Variants in RPS6KC1 observed in about 807,000 individuals in gnomAD.
The protein encoded by RPS6KC1 is ribosomal protein S6 kinase C1.
A neutral mutation model predicts 103.8 loss-of-function variants in RPS6KC1; 54 were observed. The observed-to-expected ratio is 0.52, with a 90% CI of 0.42 to 0.65. The LOEUF is 0.65. Among genes scored for constraint, RPS6KC1 ranks in the 30% least tolerant of loss-of-function variants. The pLI, the probability that RPS6KC1 is intolerant of heterozygous loss-of-function variation, is 0.00. For missense variants in RPS6KC1, 1,151 were observed against 1,253.8 expected (o/e 0.92, Z 1.24); for synonymous variants, 439 against 438.7 (o/e 1.00, Z -0.01).
chr1:213,662,039 T>C, the RPS6KC1 span, among the ~76,000 whole-genome samples: 5 of 152,278 alleles, frequency 3.3e-5, no homozygotes, highest in South Asian at 1.0e-3. Context: ...CCAAATCTCT[T>C]ACTGGTATAA....
chr1:213,850,484 G>A, the RPS6KC1 span, among the ~76,000 whole-genome samples: 3 of 152,182 alleles, frequency 2.0e-5, no homozygotes, highest in South Asian at 2.1e-4. Context: ...TGCTACACAG[G>A]ACACTAAAAC....
chr1:213,567,877 G>A, the RPS6KC1 span, among the ~76,000 whole-genome samples: 2 of 152,350 alleles, frequency 1.3e-5, no homozygotes, highest in East Asian at 3.9e-4. Context: ...GCCTGGGAAA[G>A]TTACTCTGCC....
chr1:213,780,084 T>A, the RPS6KC1 span, among the ~76,000 whole-genome samples: 2 of 152,246 alleles, frequency 1.3e-5, no homozygotes, highest in East Asian at 3.9e-4. Context: ...TACTAACTAA[T>A]GTTAATTATC....
chr1:213,784,737 GCTGAGCAT>G, the RPS6KC1 span, among the ~76,000 whole-genome samples: 2 of 152,138 alleles, frequency 1.3e-5, no homozygotes, highest in African/African-American at 2.4e-5. Flanking sequence ...TATGGACTGG[GCTGAGCAT>G]CTGCTTTCAA....
chr1:213,422,041 A>G, the RPS6KC1 span, among the ~76,000 whole-genome samples: 1 of 152,240 alleles, frequency 6.6e-6, no homozygotes, highest in East Asian at 1.9e-4. Flanking sequence ...AATATACATA[A>G]AAGTTACCAT....
the RPS6KC1 span, among the ~76,000 whole-genome samples, chr1:213,521,401 T>C: frequency 6.6e-6 from 1 of 152,258 alleles, no homozygotes; most frequent in Non-Finnish European, 1.5e-5. Flanking sequence ...ATCTCTCTAC[T>C]TGTAGAGGGT....
At chr1:213,103,332 T>C (rs2082176562) in intron 3 of RPS6KC1, among the ~76,000 whole-genome samples, 1 of 152,354 alleles carries the variant, frequency 6.6e-6, no homozygotes, top group Non-Finnish European at 1.5e-5. Context: ...GTCAGTATGA[T>C]AGAACTTGAA....
At chr1:213,099,813 C>T (rs2081851856) in intron 3 of RPS6KC1, among the ~76,000 whole-genome samples, 1 of 152,156 alleles carries the variant, frequency 6.6e-6, no homozygotes, top group Non-Finnish European at 1.5e-5. Context: ...CTGTTGTGTT[C>T]ATCAGAGGTT....
At chr1:213,159,022 C>T (rs1001772906) in intron 6 of RPS6KC1, among the ~76,000 whole-genome samples, 4 of 152,006 alleles carry the variant, frequency 2.6e-5, no homozygotes, top group Non-Finnish European at 4.4e-5. Context: ...TCAAGAAGGA[C>T]AAAGTTCATA....
chr1:213,131,322 A>G (rs541972876), intron 6 of RPS6KC1, among the ~76,000 whole-genome samples: 1 of 152,284 alleles, frequency 6.6e-6, no homozygotes, highest in South Asian at 2.1e-4. Flanking sequence ...TCTTGATATG[A>G]TTAATATTAG....
the RPS6KC1 span, among the ~76,000 whole-genome samples, chr1:213,746,558 T>C: frequency 6.6e-6 from 1 of 152,182 alleles, no homozygotes; most frequent in Non-Finnish European, 1.5e-5. Flanking sequence ...CTGCAGGCAA[T>C]AGGGAGCCAC....
the RPS6KC1 span, among the ~76,000 whole-genome samples, chr1:213,364,685 G>A: frequency 7.9e-5 from 12 of 152,248 alleles, no homozygotes; most frequent in East Asian, 1.9e-4. Context: ...TAGGTGCAGT[G>A]GCTCACACCT....
chr1:213,732,008 T>C, the RPS6KC1 span, among the ~76,000 whole-genome samples: 4 of 152,156 alleles, frequency 2.6e-5, no homozygotes, highest in Non-Finnish European at 4.4e-5. Flanking sequence ...TTTGTAACAA[T>C]AAATAGCAAG....
At chr1:213,790,938 T>C in the RPS6KC1 span, among the ~76,000 whole-genome samples, 1 of 98,632 alleles carries the variant, frequency 1.0e-5, no homozygotes, top group South Asian at 3.4e-4. Context: ...TCCGGGTGTG[T>C]CTCCAACCCC....
Position 213,084,613 on chromosome 1 carries a change from A to G in RPS6KC1, c.262+6797A>G, listed in dbSNP as rs116556154. On this transcript the variant is annotated intron_variant, in intron 3 of 14. Transcript: ENST00000366960. Reference sequence around the variant, plus strand: ...TGATATAATCTACCATCTGTATTCCACTTTTGTTAGTTGACCTTTTAATAT... The same window carrying G: ...TGATATAATCTACCATCTGTATTCCGCTTTTGTTAGTTGACCTTTTAATAT... 7.0e-3 allele frequency among the ~76,000 whole-genome samples: 1,061 copies of G among 152,296 alleles called. 12 individuals carry two copies. The highest frequency in any genetic ancestry group is 0.024 in the African/African-American group (1,005 of 41,546).
chr1:213,179,165 A>G (rs1440926396), intron 8 of RPS6KC1, among the ~76,000 whole-genome samples: 1 of 152,162 alleles, frequency 6.6e-6, no homozygotes, highest in East Asian at 1.9e-4. Flanking sequence ...CTGTAATCCC[A>G]GCACTTTGGG....
At chr1:213,622,447 C>T in the RPS6KC1 span, among the ~76,000 whole-genome samples, 4 of 152,162 alleles carry the variant, frequency 2.6e-5, no homozygotes, top group African/African-American at 9.6e-5. Flanking sequence ...GTAGGGCATG[C>T]TTAATTCCAC....
intron 10 of RPS6KC1, among the ~76,000 whole-genome samples, chr1:213,233,573 C>T (rs1042280939): frequency 4.6e-5 from 7 of 152,074 alleles, no homozygotes; most frequent in African/African-American, 1.4e-4. Context: ...TCTTAACTTA[C>T]CTGTTATTTG....
At chr1:213,072,461 C>A (rs1427388644) in intron 2 of RPS6KC1, among the ~76,000 whole-genome samples, 1 of 151,722 alleles carries the variant, frequency 6.6e-6, no homozygotes, top group East Asian at 1.9e-4. Flanking sequence ...GGTAGGAGAA[C>A]TGCTTGAACC....
Sources: allele counts gnomAD v4.1 joint callset (sites outside exome capture counted in the v4.1 genomes callset), GRCh38; gene constraint gnomAD v4.1.1; transcripts MANE v1.5; gene names NCBI Gene and HGNC (gene_info 2026-07-23, HGNC 2026-07-21).